The following PCDHA1 variants were observed in gnomAD, a reference collection of about 807,000 sequenced individuals.
PCDHA1 encodes the protein protocadherin alpha-1.
Under a neutral mutation model 61.3 loss-of-function variants are expected in PCDHA1, and 42 were observed. The observed-to-expected ratio is 0.69, with a 90% CI of 0.54 to 0.89. The LOEUF (loss-of-function observed/expected upper bound fraction) is 0.89, where lower values mean the gene tolerates loss of function less well. Ranked by LOEUF, PCDHA1 falls within the 40% of genes least tolerant of loss-of-function variation. The pLI is 0.00. For synonymous variants in PCDHA1, 610 were observed against 553.8 expected, an observed-to-expected ratio of 1.10 and a Z score of -1.43; for missense variants, 1,256 against 1,235.3, an observed-to-expected ratio of 1.02 and a Z score of -0.25.
At chr5:140,973,062 G>GTC (rs1554234872) in intron 1 of PCDHA1, among the ~76,000 whole-genome samples, 1 of 152,138 alleles carries the variant, frequency 6.6e-6, no homozygotes, top group African/African-American at 2.4e-5. Context: ...GTCCAACAGT[G>GTC]TCTCAGTGGG....
At chr5:140,956,885 T>C (rs1156888418) in intron 1 of PCDHA1, among the ~76,000 whole-genome samples, 1 of 152,194 alleles carries the variant, frequency 6.6e-6, no homozygotes, top group Non-Finnish European at 1.5e-5. Context: ...TAGATATCAA[T>C]GAATGAATAT....
At chr5:141,007,448 G>A (rs555583994) in intron 3 of PCDHA1, among the ~76,000 whole-genome samples, 2 of 150,352 alleles carry the variant, frequency 1.3e-5, no homozygotes, top group African/African-American at 4.9e-5. Context: ...TGTGCCTGTA[G>A]TCCCAGCTAC....
At chr5:140,862,334 C>A in intron 1 of PCDHA1, 1 of 329,810 alleles carries the variant, frequency 3.0e-6, no homozygotes, top group Non-Finnish European at 6.0e-6. Flanking sequence ...TGTAATTGAC[C>A]CTAACTTCAG....
intron 1 of PCDHA1, chr5:140,828,831 AC>A: frequency 6.2e-7 from 1 of 1,614,230 alleles, no homozygotes; most frequent in African/African-American, 1.3e-5. Context: ...CAGTCTGAAT[AC>A]GAAGTAAGAA....
chr5:140,906,456 G>T (rs527287837), intron 1 of PCDHA1, among the ~76,000 whole-genome samples: 1 of 152,278 alleles, frequency 6.6e-6, no homozygotes, highest in African/African-American at 2.4e-5. Context: ...ATAAAATGAA[G>T]ATATTTTCTT....
At chr5:140,941,196 TTTCTTC>T (rs1563183935) in intron 1 of PCDHA1, among the ~76,000 whole-genome samples, 3 of 111,280 alleles carry the variant, frequency 2.7e-5, no homozygotes, top group East Asian at 2.3e-4. Context: ...TTTTTTTTTC[TTTCTTC>T]CTTTCTTTCT....
chr5:140,982,666 T>G (rs2096995489), intron 3 of PCDHA1, 103 bp downstream of exon 3: 4 of 1,467,448 alleles, frequency 2.7e-6, no homozygotes. Context: ...TTCTTTTATA[T>G]TTTTGTTATT....
chr5:140,916,602 C>T (rs1554197542), intron 1 of PCDHA1, among the ~76,000 whole-genome samples: 2 of 152,240 alleles, frequency 1.3e-5, no homozygotes, highest in African/African-American at 2.4e-5. Context: ...GCCTGGAATG[C>T]GGGCCTCATG....
At chr5:140,856,183 C>T (rs1337355592) in intron 1 of PCDHA1, 8 of 1,598,070 alleles carry the variant, frequency 5.0e-6, no homozygotes, top group African/African-American at 2.7e-5. Flanking sequence ...CCTTCGTGGG[C>T]CGCATCGCGC....
chr5:140,958,484 G>T (rs246009), intron 1 of PCDHA1, among the ~76,000 whole-genome samples: 1 of 151,754 alleles, frequency 6.6e-6, no homozygotes, highest in Non-Finnish European at 1.5e-5. Flanking sequence ...AGAGCACTAA[G>T]TCCACATATC....
intron 1 of PCDHA1, among the ~76,000 whole-genome samples, chr5:140,917,537 A>G (rs1433498846): frequency 2.0e-5 from 3 of 152,222 alleles, no homozygotes; most frequent in Middle Eastern, 3.2e-3. Flanking sequence ...GTATAGTTTT[A>G]GGTTTTACAT....
intron 1 of PCDHA1, chr5:140,805,123 G>T (rs1554123272): frequency 6.3e-7 from 1 of 1,584,214 alleles, no homozygotes; most frequent in Admixed American, 1.7e-5. Flanking sequence ...AAGACTCTTG[G>T]CAAAGACATT....
At chr5:140,826,677 T>TA (rs1447627266) in intron 1 of PCDHA1, among the ~76,000 whole-genome samples, 1 of 152,092 alleles carries the variant, frequency 6.6e-6, no homozygotes, top group Non-Finnish European at 1.5e-5. Context: ...TAGACGTAAT[T>TA]AAAAAAACCC....
chr5:140,836,673 C>G (rs2150267482), intron 1 of PCDHA1: 2 of 1,613,246 alleles, frequency 1.2e-6, no homozygotes, highest in Non-Finnish European at 8.5e-7. Flanking sequence ...TGGGGAGGGC[C>G]CACCCAAGAC....
intron 3 of PCDHA1, among the ~76,000 whole-genome samples, chr5:140,997,722 C>G (rs2097782886): frequency 6.6e-6 from 1 of 151,372 alleles, no homozygotes; most frequent in South Asian, 2.1e-4. Context: ...CTTTCTACGT[C>G]AGTACATATA....
chr5:140,926,798 C>T (rs1584463033), intron 1 of PCDHA1: 2 of 1,455,342 alleles, frequency 1.4e-6, no homozygotes, highest in East Asian at 2.5e-5. Context: ...GGAGCGTGCT[C>T]TTCCCCGCGG....
chr5:140,891,591 A>T (rs782194139), intron 1 of PCDHA1, among the ~76,000 whole-genome samples: 1 of 152,092 alleles, frequency 6.6e-6, no homozygotes, highest in Non-Finnish European at 1.5e-5. Flanking sequence ...TTATTACTCT[A>T]TCCCATCTAT....
intron 1 of PCDHA1, among the ~76,000 whole-genome samples, chr5:140,955,118 G>C (rs2095139401): frequency 6.6e-6 from 1 of 152,058 alleles, no homozygotes; most frequent in African/African-American, 2.4e-5. Flanking sequence ...TCTCTATTCT[G>C]TTCCACTGGT....
At chr5:140,790,736 C>T (rs1259286387) in intron 1 of PCDHA1, among the ~76,000 whole-genome samples, 1 of 152,190 alleles carries the variant, frequency 6.6e-6, no homozygotes, top group Non-Finnish European at 1.5e-5. Context: ...AATGGCCAGG[C>T]TTAGGATTGC....
Sources: gnomAD v4.1 joint callset for allele counts (sites outside exome capture counted in the v4.1 genomes callset) on GRCh38, gnomAD v4.1.1 for gene constraint, MANE v1.5 for transcripts, NCBI Gene and HGNC (gene_info 2026-07-23, HGNC 2026-07-21) for gene names.